Variants in DPP10 observed in about 807,000 individuals in gnomAD.
DPP10 encodes the protein dipeptidyl peptidase like 10, also known as inactive dipeptidyl peptidase 10.
DPP10 carries 33 observed loss-of-function variants against 120.9 expected under a neutral mutation model. The ratio of observed to expected loss-of-function variants is 0.27; its 90% CI spans 0.21 to 0.37. The LOEUF (loss-of-function observed/expected upper bound fraction) is 0.37. DPP10 is among the 10% of genes least tolerant of loss of function. DPP10 has a pLI of 1.00. For missense variants in DPP10, 816 were observed against 942.8 expected (o/e 0.87, Z 1.76); for synonymous variants, 337 against 326.1 (o/e 1.03, Z -0.36).
chr2:114,498,308 T>C (rs955587482), intron 1 of DPP10, among the ~76,000 whole-genome samples: 3 of 152,070 alleles, frequency 2.0e-5, no homozygotes, highest in African/African-American at 7.2e-5. Context: ...GAACAACAGC[T>C]CCCTACTTCC....
At chr2:114,551,994 G>A (rs1254880780) in intron 1 of DPP10, among the ~76,000 whole-genome samples, 7 of 152,196 alleles carry the variant, frequency 4.6e-5, no homozygotes, top group African/African-American at 1.4e-4. Flanking sequence ...ATGGGGCCAC[G>A]TTAATGAGAC....
chr2:115,573,276 A>ATTTTTTTTTTTTTTTTTTTTTTTTTT (rs34420249), intron 5 of DPP10, among the ~76,000 whole-genome samples: 2 of 86,528 alleles, frequency 2.3e-5, no homozygotes, highest in Non-Finnish European at 2.3e-5. Context: ...GCTTCCTGGG[A>ATTTTTTTTTTTTTTTTTTTTTTTTTT]TTTTTTTTTT....
At chr2:115,645,556 A>G (rs1388995581) in intron 5 of DPP10, among the ~76,000 whole-genome samples, 1 of 152,112 alleles carries the variant, frequency 6.6e-6, no homozygotes. Context: ...TATGAATAGA[A>G]ATAGTAATTT....
intron 1 of DPP10, among the ~76,000 whole-genome samples, chr2:115,006,598 A>T (rs1261206625): frequency 5.4e-5 from 8 of 147,298 alleles, no homozygotes; most frequent in African/African-American, 2.0e-4. Context: ...CTTTAAACCA[A>T]CAAAGATCAA....
At chr2:114,774,590 T>A (rs1294760031) in intron 1 of DPP10, among the ~76,000 whole-genome samples, 2 of 148,672 alleles carry the variant, frequency 1.3e-5, no homozygotes, top group Admixed American at 6.9e-5. Flanking sequence ...AGTTTCAAAG[T>A]TGTGAGCGTA....
intron 1 of DPP10, among the ~76,000 whole-genome samples, chr2:115,011,447 C>T (rs1039237145): frequency 4.3e-4 from 66 of 152,130 alleles, no homozygotes; most frequent in African/African-American, 1.5e-3. Flanking sequence ...ATGTATTTTT[C>T]TTAATTTTTA....
chr2:115,814,874 C>A lies in DPP10; in HGVS notation c.1782C>A (p.Val594=). The change falls in exon 20 of 26, where the codon GTC becomes GTA. Residue 594 remains valine, a synonymous_variant. Transcript: ENST00000410059. ...CCGTACTCATTGACATGGATAATGT[C>A]ATTGTAGCAAGATTTGATGGCAGAG... The part of the protein sequence containing the change: ...WDSVLIDMDN[V]IVARFDGRGS... 6.2e-7 allele frequency: 1 copy of A among 1,610,902 alleles called. No homozygotes were observed. Among genetic ancestry groups the A allele is most frequent in the Non-Finnish European group, 8.5e-7 (1 of 1,177,828 alleles).
intron 1 of DPP10, among the ~76,000 whole-genome samples, chr2:115,003,950 C>T (rs745618361): frequency 2.6e-4 from 39 of 152,234 alleles, no homozygotes; most frequent in Non-Finnish European, 4.6e-4. Flanking sequence ...ATTATGTAAG[C>T]ATATGTAACT....
At chr2:115,359,966 T>C (rs1347892147) in intron 3 of DPP10, among the ~76,000 whole-genome samples, 1 of 152,174 alleles carries the variant, frequency 6.6e-6, no homozygotes, top group Admixed American at 6.5e-5. Context: ...AGAAGTTCAG[T>C]TTTGTTTTTT....
intron 1 of DPP10, among the ~76,000 whole-genome samples, chr2:114,631,849 TTTGTAGCTG>T (rs755326200): frequency 1.3e-5 from 2 of 152,206 alleles, no homozygotes; most frequent in Admixed American, 6.5e-5. Flanking sequence ...CACCAGTGTC[TTTGTAGCTG>T]TTGTCATTTA....
At chr2:115,473,413 C>T (rs767953773) in intron 3 of DPP10, among the ~76,000 whole-genome samples, 2 of 152,166 alleles carry the variant, frequency 1.3e-5, no homozygotes, top group African/African-American at 2.4e-5. Context: ...AGAAGATTCC[C>T]TTGATGCTAG....
intron 1 of DPP10, among the ~76,000 whole-genome samples, chr2:115,125,606 C>T: frequency 7.1e-6 from 1 of 140,070 alleles, no homozygotes; most frequent in African/African-American, 2.7e-5. Flanking sequence ...AGTCCTCGCT[C>T]TGTCGCCCAG....
At chr2:115,402,891 GTATATATATA>G (rs369615095) in intron 3 of DPP10, among the ~76,000 whole-genome samples, 1 of 124,638 alleles carries the variant, frequency 8.0e-6, no homozygotes, top group East Asian at 2.2e-4. Context: ...GTGTGTGTGT[GTATATATATA>G]TGTATATATA....
At position 114,515,623 on chromosome 2, in the gene DPP10, A is replaced by G. The variant is rs1684533085; in HGVS notation, c.60+72785A>G. Among the ~76,000 whole-genome samples, 3 of 152,188 alleles carry G rather than the reference A, an allele frequency of 2.0e-5. No homozygotes were observed. The South Asian group carries it at 6.2e-4, about 31-fold the overall frequency. ...ATCCAAAAAAAAGTTTTAGAAATGT[A>G]TTTAGTTACCACTTGGAGCCAGAGG... On this transcript the variant is annotated intron_variant, in intron 1 of 25. Transcript: ENST00000410059.
chr2:114,822,210 A>G (rs1412320499), intron 1 of DPP10, among the ~76,000 whole-genome samples: 1 of 152,074 alleles, frequency 6.6e-6, no homozygotes, highest in African/African-American at 2.4e-5. Flanking sequence ...AGGTTCCCAA[A>G]CCTCAGTTCA....
chr2:114,739,941 CAG>C (rs1387587294), intron 1 of DPP10, among the ~76,000 whole-genome samples: 1 of 152,144 alleles, frequency 6.6e-6, no homozygotes, highest in African/African-American at 2.4e-5. Context: ...CTGTGGAAGT[CAG>C]TGTTGCAATT....
chr2:115,289,216 A>G (rs769282881), intron 1 of DPP10, among the ~76,000 whole-genome samples: 16 of 152,108 alleles, frequency 1.1e-4, no homozygotes, highest in Non-Finnish European at 1.9e-4. Context: ...TGAAATACCT[A>G]GGAATATGCT....
chr2:114,776,818 G>A (rs1681789291), intron 1 of DPP10, among the ~76,000 whole-genome samples: 1 of 151,882 alleles, frequency 6.6e-6, no homozygotes, highest in Non-Finnish European at 1.5e-5. Context: ...TTGGAAAAGG[G>A]GATGAGTGGA....
At chr2:115,822,042 A>G (rs961608682) in intron 21 of DPP10, among the ~76,000 whole-genome samples, 1 of 151,998 alleles carries the variant, frequency 6.6e-6, no homozygotes, top group African/African-American at 2.4e-5. Context: ...ACTTAATATC[A>G]TCAGTCTTTT....
Sources: allele counts gnomAD v4.1 joint callset (sites outside exome capture counted in the v4.1 genomes callset), GRCh38; gene constraint gnomAD v4.1.1; transcripts MANE v1.5; gene names NCBI Gene and HGNC (gene_info 2026-07-23, HGNC 2026-07-21).